The following ABCG1 variants were observed in gnomAD, a reference collection of about 807,000 sequenced individuals.
The protein encoded by ABCG1 is ATP-binding cassette sub-family G member 1.
A neutral mutation model predicts 69.2 loss-of-function variants in ABCG1; 29 were observed. The observed-to-expected ratio is 0.42, with a 90% CI of 0.31 to 0.57. ABCG1 has a LOEUF of 0.57. Ranked by LOEUF, ABCG1 falls within the 20% of genes least tolerant of loss-of-function variation. The pLI is 0.15. For missense variants in ABCG1, 718 were observed against 898.1 expected (o/e 0.80, Z 2.56); for synonymous variants, 370 against 374.8 (o/e 0.99, Z 0.15).
chr21:42,201,675 G>A, exon 2 of ABCG1: 1 of 1,612,090 alleles, frequency 6.2e-7, no homozygotes, highest in Non-Finnish European at 8.5e-7. Context: ...AGCTGTTCTT[G>A]ATGCTGGGAA....
In ABCG1 at chr21:42,288,281, A is replaced by G. The variant is rs1446831412; in HGVS notation, c.1193A>G (p.Lys398Arg). 2.5e-6 allele frequency: 4 copies of G among 1,612,812 alleles called. No homozygotes were observed. The highest frequency in any genetic ancestry group is 1.7e-5 in the Admixed American group (1 of 59,966). ...SCLTQFCILF[K>R]RTFLSIMRDS... Reference sequence around the variant, plus strand: ...CTCACGCAGTTCTGCATCCTCTTCAAGAGGACCTTCCTCAGCATCATGAGG... The same window carrying G: ...CTCACGCAGTTCTGCATCCTCTTCAGGAGGACCTTCCTCAGCATCATGAGG... Residue 398 changes from lysine to arginine, a missense_variant, in exon 10 of 15, where the codon AAG becomes AGG. Transcript: ENST00000398449. The surrounding 1 kb of genome is among the most constrained non-coding windows in gnomAD (Gnocchi z 4.8).
intron 2 of ABCG1, among the ~76,000 whole-genome samples, chr21:42,243,092 G>A (rs2068075627): frequency 6.6e-6 from 1 of 152,220 alleles, no homozygotes; most frequent in Non-Finnish European, 1.5e-5. Context: ...AGGCAGGAGT[G>A]AGGGCCCTGC....
chr21:42,261,208 C>G (rs965631134), intron 2 of ABCG1, among the ~76,000 whole-genome samples: 2 of 151,362 alleles, frequency 1.3e-5, no homozygotes, highest in African/African-American at 4.9e-5. Context: ...TCTCCACCAC[C>G]CCCCCTCTCC....
intron 2 of ABCG1, among the ~76,000 whole-genome samples, chr21:42,238,086 A>G (rs532240596): frequency 6.6e-6 from 1 of 152,320 alleles, no homozygotes; most frequent in Admixed American, 6.5e-5. Context: ...TTTGCTAAAA[A>G]TTGATTTTCG....
chr21:42,204,938 T>A (rs924887260), intron 2 of ABCG1, among the ~76,000 whole-genome samples: 2 of 152,146 alleles, frequency 1.3e-5, no homozygotes, highest in African/African-American at 4.8e-5. Context: ...TGCCTAGAAT[T>A]AGTGTTAATT....
rs147546005 is a variant in ABCG1, at chr21:42,291,527, C to T, written c.1524C>T (p.Ile508=). Residue 508 remains isoleucine (I), a synonymous_variant, in exon 13 of 15, where the codon ATC becomes ATT. Coordinates refer to ENST00000398449, the MANE Select transcript of ABCG1 (RefSeq NM_016818.3). This position sits in a 1 kb window ranked among gnomAD's most constrained non-coding sequence, Gnocchi z 6.4. ...TGTTCCCAGTGGCCTACTGCAGCAT[C>T]GTGTACTGGATGACGTCGCAGCCGT... ...QIMFPVAYCS[I]VYWMTSQPSD... The T allele has an allele frequency of 9.9e-6, 16 of 1,613,502 alleles. No individual in the cohort carries two copies. The East Asian group carries it at 1.8e-4, about 18-fold the overall frequency.
At position 42,263,290 on chromosome 21, in the gene ABCG1, C is replaced by T. The variant is rs8133920; in HGVS notation, c.287-7780C>T. The stretch of plus-strand genomic sequence containing the variant: ...TTTTCCATGGGCAAAGGAATGTTGC[C>T]TTCATTTCCAAGGGAGGAAACCGTC... On this transcript the variant is annotated intron_variant, in intron 2 of 14. Transcript: ENST00000398449. 6.5e-3 allele frequency among the ~76,000 whole-genome samples: 988 copies of T among 152,308 alleles called. 11 individuals are homozygous for T. Among genetic ancestry groups the T allele is most frequent in the African/African-American group, 0.022 (925 of 41,546 alleles).
intron 6 of ABCG1, among the ~76,000 whole-genome samples, chr21:42,284,261 C>A (rs1412660336): frequency 6.8e-6 from 1 of 146,136 alleles, no homozygotes; most frequent in Non-Finnish European, 1.5e-5. Context: ...GTTGTGAAGT[C>A]CCTCCCTGCC....
chr21:42,222,786 A>C (rs192761078), intron 1 of ABCG1, among the ~76,000 whole-genome samples: 47 of 152,358 alleles, frequency 3.1e-4, no homozygotes, highest in Non-Finnish European at 5.9e-4. Flanking sequence ...TATTGTTTAT[A>C]ATCACTTACC....
At chr21:42,283,382 T>C (rs1311095459) in intron 6 of ABCG1, among the ~76,000 whole-genome samples, 1 of 152,136 alleles carries the variant, frequency 6.6e-6, no homozygotes, top group Non-Finnish European at 1.5e-5. Flanking sequence ...CAACACACAC[T>C]GTCCCCCGGG....
intron 2 of ABCG1, among the ~76,000 whole-genome samples, chr21:42,262,219 A>C (rs2068426131): frequency 6.6e-6 from 1 of 152,180 alleles, no homozygotes; most frequent in South Asian, 2.1e-4. Context: ...CAGAGGCTGC[A>C]AGGAGTCCTT....
rs113979010 is a variant in ABCG1, at chr21:42,287,055, G to A, written c.974-834G>A. Among the ~76,000 whole-genome samples, 1 of 152,236 alleles carries A rather than the reference G, an allele frequency of 6.6e-6. No homozygotes were observed. The highest frequency in any genetic ancestry group is 2.4e-5 in the African/African-American group (1 of 41,460). On this transcript the variant is annotated intron_variant, in intron 8 of 14. Coordinates refer to ENST00000398449, the MANE Select transcript of ABCG1 (RefSeq NM_016818.3). This position sits in a 1 kb window ranked among gnomAD's most constrained non-coding sequence, Gnocchi z 6.2. ...AAGCGGGTAGCTGGCTCTGCCAGAG[G>A]GAAGTGCGGAAAAGGTAAGGGTGTT...
chr21:42,216,923 G>A (rs1218700311), upstream of ABCG1, among the ~76,000 whole-genome samples: 1 of 152,148 alleles, frequency 6.6e-6, no homozygotes, highest in Non-Finnish European at 1.5e-5. Flanking sequence ...ACGTGGTGGG[G>A]ATTTTGACCC....
At chr21:42,243,425 A>G (rs968946446) in intron 2 of ABCG1, among the ~76,000 whole-genome samples, 1 of 147,772 alleles carries the variant, frequency 6.8e-6, no homozygotes, top group Admixed American at 6.8e-5. Context: ...ACAGAACCAT[A>G]TTTTAATACC....
At chr21:42,263,647 T>G (rs1288110441) in intron 2 of ABCG1, among the ~76,000 whole-genome samples, 1 of 152,228 alleles carries the variant, frequency 6.6e-6, no homozygotes, top group African/African-American at 2.4e-5. Flanking sequence ...TCCTGATGAC[T>G]TCTGTCTCGC....
At chr21:42,284,206 C>A (rs564666821) in intron 6 of ABCG1, among the ~76,000 whole-genome samples, 1 of 120,396 alleles carries the variant, frequency 8.3e-6, no homozygotes, top group Non-Finnish European at 1.8e-5. Context: ...AAAGTCCCCC[C>A]GCCCAGATGA....
At chr21:42,278,984 C>A (rs1325650951) in intron 5 of ABCG1, among the ~76,000 whole-genome samples, 1 of 152,062 alleles carries the variant, frequency 6.6e-6, no homozygotes, top group Non-Finnish European at 1.5e-5. Context: ...GCTTTTCCAC[C>A]CGGAGACTCA....
rs1463012787 is a variant in ABCG1 at position 42,273,543 on chromosome 21, T to A, written c.537+108T>A. On this transcript the variant is annotated intron_variant, in intron 4 of 14. Coordinates refer to ENST00000398449, the MANE Select transcript of ABCG1 (RefSeq NM_016818.3). This position sits in a 1 kb window ranked among gnomAD's most constrained non-coding sequence, Gnocchi z 5.3. Reference sequence around the variant, plus strand: ...CCAGCTGCGAGGGACCCAAGGGCTCTGCCACGCGGCCTGCACAGGGCCAGC... The same window carrying A: ...CCAGCTGCGAGGGACCCAAGGGCTCAGCCACGCGGCCTGCACAGGGCCAGC... The A allele has an allele frequency of 2.9e-6, 4 of 1,358,360 alleles. No individual in the cohort carries two copies. The Admixed American group carries it at 7.0e-5, about 24-fold the overall frequency. 84.1% of individuals were successfully genotyped at this position (1,358,360 alleles called of 1,614,324 possible).
chr21:42,219,837 C>T lies in ABCG1; in HGVS notation c.42+533C>T. ...GAGAGCCGGAGCCTGCGACTGCACT[C>T]CCGGGGACACCCTCTCCCGGACCCA... On this transcript the variant is annotated intron_variant, in intron 1 of 14. Coordinates refer to ENST00000398449, the MANE Select transcript of ABCG1 (RefSeq NM_016818.3). The surrounding 1 kb of genome is among the most constrained non-coding windows in gnomAD (Gnocchi z 5.3). 6.7e-7 allele frequency: 1 copy of T among 1,494,736 alleles called. No individual in the cohort carries two copies. The highest frequency in any genetic ancestry group is 8.9e-7 in the Non-Finnish European group (1 of 1,124,136). 92.6% of individuals were successfully genotyped at this position (1,494,736 alleles called of 1,614,324 possible).
Sources: gnomAD v4.1 joint callset for allele counts (sites outside exome capture counted in the v4.1 genomes callset) on GRCh38, gnomAD v4.1.1 for gene constraint, Gnocchi (gnomAD v3.1) non-coding constraint, MANE v1.5 for transcripts, NCBI Gene and HGNC (gene_info 2026-07-23, HGNC 2026-07-21) for gene names.